Variants in PRDM1 observed in about 807,000 individuals in gnomAD.
PRDM1 encodes PR domain zinc finger protein 1.
Under a neutral mutation model 62.8 loss-of-function variants are expected in PRDM1, and 13 were observed. That is an observed-to-expected ratio of 0.21 (90% CI 0.13 to 0.33). PRDM1 has a LOEUF of 0.33. Ranked by LOEUF, PRDM1 falls within the 10% of genes least tolerant of loss-of-function variation. PRDM1 has a pLI of 1.00. For synonymous variants in PRDM1, 396 were observed against 417.6 expected, an observed-to-expected ratio of 0.95 and a Z score of 0.63; for missense variants, 895 against 1,058.8, an observed-to-expected ratio of 0.85 and a Z score of 2.15.
intron 1 of PRDM1, among the ~76,000 whole-genome samples, chr6:106,062,272 C>G (rs1773356326): frequency 1.3e-5 from 2 of 152,066 alleles, no homozygotes; most frequent in African/African-American, 4.8e-5. Flanking sequence ...TCTTTTTATT[C>G]TTCAAGATCT....
chr6:106,105,367 A>G lies in PRDM1; in HGVS notation c.1207A>G (p.Ile403Val), dbSNP rs1381680880. 5.0e-6 allele frequency: 8 copies of G among 1,613,888 alleles called. No homozygotes were observed. Among genetic ancestry groups the G allele is most frequent in the Admixed American group, 1.7e-5 (1 of 60,018 alleles). Residue 403 changes from isoleucine to valine, a missense_variant, in exon 5 of 7, where the codon ATC (isoleucine) becomes GTC (valine). This residue lies in a region of PRDM1 where 444 missense variants were observed against 422.7 expected (regional missense o/e 1.05). Transcript: ENST00000369096. ...APLPHLPPAF[I>V]PSYNAHYPKF... The stretch of plus-strand genomic sequence containing the variant: ...CCTGCCCCACCTCCCGCCAGCTTTC[A>G]TCCCCTCGTACAACGCTCACTACCC...
chr6:106,024,384 C>T (rs890239336), intron 1 of PRDM1, among the ~76,000 whole-genome samples: 2 of 152,136 alleles, frequency 1.3e-5, no homozygotes, highest in African/African-American at 4.8e-5. Flanking sequence ...TTCCTCTCCA[C>T]ATCTAATTAG....
chr6:106,016,788 C>T (rs1562145322), intron 1 of PRDM1, among the ~76,000 whole-genome samples: 2 of 151,520 alleles, frequency 1.3e-5, no homozygotes, highest in South Asian at 2.1e-4. Context: ...TCTGTGATAA[C>T]AGGTGTGCGC....
intron 1 of PRDM1, among the ~76,000 whole-genome samples, chr6:106,012,116 TAC>T (rs1202067881): frequency 2.5e-4 from 16 of 63,564 alleles, no homozygotes; most frequent in South Asian, 5.6e-4. Flanking sequence ...TCCACATTCA[TAC>T]ACACACACAC....
chr6:106,021,657 G>T (rs1772697547), intron 1 of PRDM1, among the ~76,000 whole-genome samples: 1 of 152,226 alleles, frequency 6.6e-6, no homozygotes, highest in South Asian at 2.1e-4. Flanking sequence ...TTTCACTCTT[G>T]TTGCCCAGGC....
chr6:106,040,047 A>T (rs910738640), intron 1 of PRDM1, among the ~76,000 whole-genome samples: 1 of 152,254 alleles, frequency 6.6e-6, no homozygotes, highest in South Asian at 2.1e-4. Context: ...ACTAAGACCA[A>T]GGCATTCAAA....
At chr6:106,087,191 A>T (rs929009850) in intron 1 of PRDM1, among the ~76,000 whole-genome samples, 1 of 152,194 alleles carries the variant, frequency 6.6e-6, no homozygotes, top group Non-Finnish European at 1.5e-5. Flanking sequence ...TTTGGAAAAC[A>T]GTTTTTTTCT....
At chr6:106,014,992 C>G (rs901315860) in intron 1 of PRDM1, among the ~76,000 whole-genome samples, 1 of 152,084 alleles carries the variant, frequency 6.6e-6, no homozygotes, top group African/African-American at 2.4e-5. Flanking sequence ...CCTGGGATGC[C>G]CGGTGAATTT....
chr6:106,000,233 C>G (rs1772411587), intron 1 of PRDM1, among the ~76,000 whole-genome samples: 1 of 152,162 alleles, frequency 6.6e-6, no homozygotes, highest in South Asian at 2.1e-4. Context: ...TTTCTGTGTA[C>G]CTATCTCCAA....
At chr6:106,056,972 C>G (rs1315575438) in intron 1 of PRDM1, among the ~76,000 whole-genome samples, 4 of 152,126 alleles carry the variant, frequency 2.6e-5, no homozygotes, top group Non-Finnish European at 4.4e-5. Context: ...CACAAGTGCT[C>G]AAGGAATATG....
intron 1 of PRDM1, among the ~76,000 whole-genome samples, chr6:106,042,202 T>C (rs113536413): frequency 9.8e-4 from 149 of 151,438 alleles, no homozygotes; most frequent in Non-Finnish European, 1.9e-3. Flanking sequence ...CTTATTAGAG[T>C]ACCTTTCTTC....
chr6:106,051,667 T>G (rs1205282179), intron 1 of PRDM1, among the ~76,000 whole-genome samples: 1 of 152,000 alleles, frequency 6.6e-6, no homozygotes, highest in Non-Finnish European at 1.5e-5. Flanking sequence ...GGGCAAAGAG[T>G]AGGCCACAAC....
intron 1 of PRDM1, among the ~76,000 whole-genome samples, chr6:106,029,778 T>C (rs576627734): frequency 8.7e-4 from 131 of 150,968 alleles, no homozygotes; most frequent in African/African-American, 2.8e-3. Flanking sequence ...GGCTAATTGG[T>C]TTTTTTTTGT....
At chr6:106,104,802 T>C in intron 4 of PRDM1, 23 bp from the exon 5 acceptor site, 1 of 1,596,152 alleles carries the variant, frequency 6.3e-7, no homozygotes, top group Non-Finnish European at 8.5e-7. Context: ...CTCTGTGTAA[T>C]CGCCCCTTTT....
intron 4 of PRDM1, 123 bp from the exon 5 acceptor site, chr6:106,104,702 G>A: frequency 8.0e-7 from 1 of 1,248,962 alleles, no homozygotes; most frequent in South Asian, 1.5e-5. Flanking sequence ...TTGGAAGCCA[G>A]ATATGTGGCG....
At chr6:106,056,267 A>AGAT (rs1296770121) in intron 1 of PRDM1, among the ~76,000 whole-genome samples, 21 of 152,190 alleles carry the variant, frequency 1.4e-4, no homozygotes, top group Non-Finnish European at 1.2e-4. Flanking sequence ...AAATGGGAGA[A>AGAT]GCACGGAGAG....
At chr6:106,028,958 G>T (rs1413610377) in intron 1 of PRDM1, among the ~76,000 whole-genome samples, 3 of 121,434 alleles carry the variant, frequency 2.5e-5, no homozygotes, top group Admixed American at 1.1e-4. Flanking sequence ...GTCTTGCTCT[G>T]CTGCCAGGCT....
Position 106,086,358 on chromosome 6 carries a change from G to T in PRDM1, c.-196G>T. Reference sequence around the variant, plus strand: ...GTTAACACAGACAAAGTGCTGCCGTGACACTCGGCCCTCCAGTGTTGCGGA... The same window carrying T: ...GTTAACACAGACAAAGTGCTGCCGTTACACTCGGCCCTCCAGTGTTGCGGA... On this transcript the variant is annotated 5_prime_UTR_variant, in exon 1 of 7. Coordinates refer to ENST00000369096, the MANE Select transcript of PRDM1 (RefSeq NM_001198.4). 1.9e-6 allele frequency: 1 copy of T among 523,274 alleles called. No individual in the cohort carries two copies. 32.4% of individuals were successfully genotyped at this position (523,274 alleles called of 1,614,324 possible).
In PRDM1 at chr6:106,067,838, C is replaced by T. The variant is rs1314239371; in HGVS notation, c.-67+19124C>T. ...GTAAATGTAATTAATACTACTGAGT[C>T]GTATGCTCTAAAATGATTAAAATGG... is the stretch of plus-strand genomic sequence containing the variant. On this transcript the variant is annotated intron_variant, in intron 1 of 6. Transcript: ENST00000651185. Among the ~76,000 whole-genome samples the T allele has an allele frequency of 4.6e-5, 7 of 151,872 alleles. No homozygotes were observed. The South Asian group carries it at 6.2e-4, about 13-fold the overall frequency.
Sources: allele counts gnomAD v4.1 joint callset (sites outside exome capture counted in the v4.1 genomes callset), GRCh38; gene constraint gnomAD v4.1.1; regional missense constraint gnomAD v4.1.1; transcripts MANE v1.5; gene names NCBI Gene and HGNC (gene_info 2026-07-23, HGNC 2026-07-21).